The following MGAT4A variants were observed in gnomAD, a reference collection of about 807,000 sequenced individuals.
The protein encoded by MGAT4A is alpha-1,3-mannosyl-glycoprotein 4-beta-N-acetylglucosaminyltransferase A, also known as N-acetylglucosaminyltransferase IVa.
In MGAT4A, 33 loss-of-function variants were observed where a neutral mutation model predicts 74.1. That is an observed-to-expected ratio of 0.45 (90% CI 0.34 to 0.60). The LOEUF is 0.60. MGAT4A is among the 20% of genes least tolerant of loss of function. The pLI, the probability that MGAT4A is intolerant of heterozygous loss-of-function variation, is 0.02. For missense variants in MGAT4A, 479 were observed against 628.3 expected (o/e 0.76, Z 2.54); for synonymous variants, 198 against 210.4 (o/e 0.94, Z 0.51).
Position 98,668,014 on chromosome 2 carries a change from G to A in MGAT4A, c.404-4835C>T, listed in dbSNP as rs1003805719. 1.2e-4 allele frequency among the ~76,000 whole-genome samples: 18 copies of A among 152,130 alleles called. 1 individual carries two copies. Among genetic ancestry groups the A allele is most frequent in the South Asian group, 2.1e-4 (1 of 4,832 alleles). Reference sequence around the variant, plus strand: ...ATCACAGGCGTGAGCCACAGCGCCCGGCCAGCATTCAGTTTTAAGACGGAA... The same window carrying A: ...ATCACAGGCGTGAGCCACAGCGCCCAGCCAGCATTCAGTTTTAAGACGGAA... On this transcript the variant is annotated intron_variant, in intron 4 of 15. Coordinates refer to ENST00000393487, the MANE Select transcript of MGAT4A (RefSeq NM_012214.3).
intron 12 of MGAT4A, among the ~76,000 whole-genome samples, chr2:98,638,460 A>G (rs1021291615): frequency 1.3e-5 from 2 of 152,234 alleles, no homozygotes; most frequent in African/African-American, 4.8e-5. Context: ...CTACGTCAAT[A>G]TTTTTGATGA....
At chr2:98,712,132 C>A (rs1702526272) in intron 2 of MGAT4A, among the ~76,000 whole-genome samples, 1 of 152,186 alleles carries the variant, frequency 6.6e-6, no homozygotes, top group African/African-American at 2.4e-5. Flanking sequence ...ATTCATCAGA[C>A]CAAACACTAC....
At chr2:98,667,696 T>TTTG (rs142922685) in intron 4 of MGAT4A, among the ~76,000 whole-genome samples, 15,104 of 150,234 alleles carry the variant, frequency 0.1, 1,002 homozygotes, top group African/African-American at 0.16. Flanking sequence ...GCATTCAGTT[T>TTTG]TTGTTGTTGT....
intron 8 of MGAT4A, among the ~76,000 whole-genome samples, chr2:98,647,305 TC>T (rs1354413748): frequency 5.9e-5 from 2 of 33,842 alleles, no homozygotes; most frequent in East Asian, 1.7e-3. Context: ...TGTAATGTGC[TC>T]TTTTTTTATT....
chr2:98,676,262 G>A (rs1701975396), intron 3 of MGAT4A, among the ~76,000 whole-genome samples: 1 of 152,086 alleles, frequency 6.6e-6, no homozygotes. Flanking sequence ...CATGCGTAAA[G>A]AAACAATTAC....
chr2:98,699,510 T>C (rs545841950), intron 2 of MGAT4A, among the ~76,000 whole-genome samples: 15 of 152,250 alleles, frequency 9.9e-5, no homozygotes, highest in African/African-American at 2.6e-4. Context: ...TTAGTCTTTT[T>C]TTTTTCCCCC....
chr2:98,653,528 C>T (rs1427435849), intron 8 of MGAT4A, among the ~76,000 whole-genome samples: 1 of 151,938 alleles, frequency 6.6e-6, no homozygotes, highest in Non-Finnish European at 1.5e-5. Flanking sequence ...AGAAGAATTA[C>T]AAGAGACTAC....
At chr2:98,657,647 G>C (rs1036081151) in intron 6 of MGAT4A, among the ~76,000 whole-genome samples, 2 of 152,086 alleles carry the variant, frequency 1.3e-5, no homozygotes, top group Admixed American at 1.3e-4. Flanking sequence ...ACAAAAAACA[G>C]ATACAATTTA....
intron 2 of MGAT4A, among the ~76,000 whole-genome samples, chr2:98,686,414 T>C (rs1291798600): frequency 6.6e-6 from 1 of 152,132 alleles, no homozygotes; most frequent in East Asian, 1.9e-4. Context: ...TCATTAACAG[T>C]GTCATTCAAA....
chr2:98,639,817 T>G lies in MGAT4A; in HGVS notation c.1313A>C (p.Asn438Thr), dbSNP rs191765706. The change falls in exon 12 of 16, where the codon AAT becomes ACT. Residue 438 changes from asparagine to threonine, a missense_variant. Physicochemically the swap from Asn to Thr is moderately conservative, Grantham distance 65. Around this residue, in one of 3 missense-constraint regions of MGAT4A, gnomAD observed 236 missense variants for 308.2 expected, o/e 0.77. Coordinates refer to ENST00000393487, the MANE Select transcript of MGAT4A (RefSeq NM_012214.3). ...YILFKFDKPV[N>T]VESYLFHSGN... The stretch of plus-strand genomic sequence containing the variant: ...TTCAATAATCACCAACCTTTCTACA[T>G]TGACTGGTTTATCAAATTTAAACAA... The G allele has an allele frequency of 6.2e-6, 10 of 1,610,564 alleles. No homozygotes were observed. Among genetic ancestry groups the G allele is most frequent in the Non-Finnish European group, 6.8e-6 (8 of 1,177,990 alleles).
intron 13 of MGAT4A, 51 bp from the exon 14 acceptor site, chr2:98,635,339 C>T: frequency 7.3e-7 from 1 of 1,366,712 alleles, no homozygotes; most frequent in Non-Finnish European, 1.0e-6. Context: ...TCTATTTAAC[C>T]TAAGTTATTA....
At chr2:98,639,749 T>C in intron 12 of MGAT4A, 59 bp downstream of exon 12, 1 of 1,452,042 alleles carries the variant, frequency 6.9e-7, no homozygotes, top group Non-Finnish European at 9.4e-7. Context: ...CTATTATAAA[T>C]CACATTACGA....
chr2:98,635,148 TCTGAAAAGAA>T, intron 14 of MGAT4A, 64 bp downstream of exon 14: 2 of 1,141,292 alleles, frequency 1.8e-6, no homozygotes, highest in Non-Finnish European at 2.6e-6. Flanking sequence ...TTGCTTAACA[TCTGAAAAGAA>T]CTGAAAAGTA....
Position 98,726,401 on chromosome 2 carries a change from T to A in MGAT4A, c.-69A>T. 7.4e-7 allele frequency: 1 copy of A among 1,359,566 alleles called. No homozygotes were observed. The highest frequency in any genetic ancestry group is 2.3e-5 in the East Asian group (1 of 42,606). The allele number at this position is 1,359,566 out of a possible 1,614,324, so 84.2% of individuals were successfully genotyped here. ...AACCAGGACTGTTTTCTTTTTACCC[T>A]GAAAGTCAACTGAATGCAGTACTCC... On this transcript the variant is annotated 5_prime_UTR_variant, in exon 2 of 16. Transcript: ENST00000393487.
intron 4 of MGAT4A, among the ~76,000 whole-genome samples, chr2:98,664,950 G>C (rs1267615736): frequency 6.6e-6 from 1 of 152,058 alleles, no homozygotes; most frequent in Non-Finnish European, 1.5e-5. Context: ...CAATACAGAA[G>C]TATTTTAAAT....
At chr2:98,708,563 C>T (rs577067526) in intron 2 of MGAT4A, among the ~76,000 whole-genome samples, 31 of 152,262 alleles carry the variant, frequency 2.0e-4, no homozygotes, top group African/African-American at 6.7e-4. Context: ...AACAAAGATC[C>T]ACTGCCTCAC....
At chr2:98,699,115 A>T (rs1266148404) in intron 2 of MGAT4A, among the ~76,000 whole-genome samples, 1 of 152,204 alleles carries the variant, frequency 6.6e-6, no homozygotes, top group Admixed American at 6.5e-5. Context: ...CCAGGTATGC[A>T]GTGACTCAGG....
chr2:98,716,449 C>G (rs1375371478), intron 2 of MGAT4A, among the ~76,000 whole-genome samples: 1 of 152,164 alleles, frequency 6.6e-6, no homozygotes, highest in African/African-American at 2.4e-5. Context: ...GAAACTCTGT[C>G]TCTACTAAAA....
At chr2:98,697,660 AT>A (rs1218273097) in intron 2 of MGAT4A, among the ~76,000 whole-genome samples, 3 of 152,192 alleles carry the variant, frequency 2.0e-5, no homozygotes, top group Non-Finnish European at 4.4e-5. Flanking sequence ...TTCTACAATT[AT>A]TTTTAAATAG....
Sources: allele counts gnomAD v4.1 joint callset (sites outside exome capture counted in the v4.1 genomes callset), GRCh38; gene constraint gnomAD v4.1.1; regional missense constraint gnomAD v4.1.1; transcripts MANE v1.5; gene names NCBI Gene and HGNC (gene_info 2026-07-23, HGNC 2026-07-21).